The following CNTN5 variants were observed in gnomAD, a reference collection of about 807,000 sequenced individuals.
CNTN5 encodes contactin 5, also known as contactin-5.
A neutral mutation model predicts 129.1 loss-of-function variants in CNTN5; 77 were observed. The observed-to-expected ratio is 0.60, with a 90% CI of 0.50 to 0.72. The LOEUF (loss-of-function observed/expected upper bound fraction) is 0.72. Among genes scored for constraint, CNTN5 ranks in the 30% least tolerant of loss-of-function variants. The probability of loss-of-function intolerance (pLI) is 0.00; values close to 1 mark genes in which losing one functional copy is unlikely to be tolerated. For missense variants in CNTN5, 1,478 were observed against 1,328.8 expected (o/e 1.11, Z -1.75); for synonymous variants, 509 against 465.6 (o/e 1.09, Z -1.20).
chr11:100,315,709 C>G (rs1443929980), intron 21 of CNTN5, among the ~76,000 whole-genome samples: 1 of 152,048 alleles, frequency 6.6e-6, no homozygotes, highest in Non-Finnish European at 1.5e-5. Context: ...ATATGAAATT[C>G]CAAATGTAGA....
intron 1 of CNTN5, among the ~76,000 whole-genome samples, chr11:99,280,556 G>A (rs1412384069): frequency 6.6e-6 from 1 of 151,486 alleles, no homozygotes; most frequent in Non-Finnish European, 1.5e-5. Flanking sequence ...GTTTACCTGG[G>A]TTCTAGGTTA....
intron 18 of CNTN5, among the ~76,000 whole-genome samples, chr11:100,295,189 T>C (rs1331609937): frequency 2.0e-5 from 3 of 151,656 alleles, no homozygotes; most frequent in Admixed American, 6.6e-5. Flanking sequence ...AGAAGGATGA[T>C]CTTATTTCTT....
chr11:99,873,872 A>G (rs771611389), intron 6 of CNTN5, among the ~76,000 whole-genome samples: 1 of 152,128 alleles, frequency 6.6e-6, no homozygotes, highest in African/African-American at 2.4e-5. Context: ...ATGGAACACA[A>G]TGCAGCCATA....
intron 7 of CNTN5, among the ~76,000 whole-genome samples, chr11:99,952,094 C>T (rs1174656937): frequency 6.6e-6 from 1 of 152,138 alleles, no homozygotes; most frequent in Non-Finnish European, 1.5e-5. Context: ...AGGTACACAT[C>T]AGCATTGTAA....
intron 18 of CNTN5, among the ~76,000 whole-genome samples, chr11:100,286,039 T>C (rs1223338264): frequency 2.6e-5 from 4 of 152,182 alleles, no homozygotes; most frequent in Admixed American, 2.6e-4. Flanking sequence ...AATACTGCGC[T>C]TTTCCGATAG....
intron 2 of CNTN5, among the ~76,000 whole-genome samples, chr11:99,339,219 T>C (rs1260601160): frequency 1.3e-5 from 2 of 152,042 alleles, no homozygotes; most frequent in African/African-American, 2.4e-5. Context: ...TTTATCCTTT[T>C]GAAATTCACT....
chr11:99,322,708 TC>T (rs1411447164), intron 1 of CNTN5, among the ~76,000 whole-genome samples: 1 of 152,130 alleles, frequency 6.6e-6, no homozygotes, highest in African/African-American at 2.4e-5. Flanking sequence ...AATTTTTGTA[TC>T]CCAGCCTAAT....
chr11:99,835,604 G>C (rs918495528), intron 4 of CNTN5, among the ~76,000 whole-genome samples: 2 of 152,148 alleles, frequency 1.3e-5, no homozygotes, highest in African/African-American at 4.8e-5. Flanking sequence ...AAATGTGTAC[G>C]TAATAGCACT....
chr11:99,684,223 A>C (rs1171681361), intron 3 of CNTN5, among the ~76,000 whole-genome samples: 1 of 151,836 alleles, frequency 6.6e-6, no homozygotes, highest in African/African-American at 2.4e-5. Context: ...AATGCTTTAT[A>C]GTTTTCTATC....
intron 3 of CNTN5, among the ~76,000 whole-genome samples, chr11:99,583,935 C>G (rs905167531): frequency 4.6e-5 from 7 of 152,150 alleles, no homozygotes; most frequent in Admixed American, 2.0e-4. Flanking sequence ...GAGCTGTAGA[C>G]TGGAGCTGTT....
intron 6 of CNTN5, among the ~76,000 whole-genome samples, chr11:99,850,126 C>T (rs1591308191): frequency 6.6e-6 from 1 of 152,078 alleles, no homozygotes. Flanking sequence ...AGAAGTTTAA[C>T]AGTTTAGGAG....
At chr11:99,760,420 T>C (rs1944539921) in intron 3 of CNTN5, among the ~76,000 whole-genome samples, 1 of 152,110 alleles carries the variant, frequency 6.6e-6, no homozygotes. Context: ...ATATATGTTC[T>C]AAAACTGGAC....
At chr11:99,810,096 TAAC>T (rs1425487130) in intron 3 of CNTN5, among the ~76,000 whole-genome samples, 3 of 151,960 alleles carry the variant, frequency 2.0e-5, no homozygotes, top group Non-Finnish European at 4.4e-5. Context: ...TTTAAAAACT[TAAC>T]AGCCATGAAA....
chr11:99,735,625 A>G (rs1943680427), intron 3 of CNTN5, among the ~76,000 whole-genome samples: 1 of 152,242 alleles, frequency 6.6e-6, no homozygotes, highest in African/African-American at 2.4e-5. Flanking sequence ...ATAAACGGGA[A>G]GCCTACTGAA....
chr11:99,987,245 A>C (rs576306533), intron 8 of CNTN5, among the ~76,000 whole-genome samples: 1 of 152,110 alleles, frequency 6.6e-6, no homozygotes, highest in South Asian at 2.1e-4. Context: ...CAAAGGGAAC[A>C]AAATGATGTG....
chr11:99,120,655 G>C (rs559882040), intron 1 of CNTN5, among the ~76,000 whole-genome samples: 2 of 152,220 alleles, frequency 1.3e-5, no homozygotes, highest in South Asian at 2.1e-4. Context: ...CGTTATCTCT[G>C]ATAGATTTCC....
At chr11:99,927,723 T>C (rs1032878398) in intron 7 of CNTN5, among the ~76,000 whole-genome samples, 1 of 152,164 alleles carries the variant, frequency 6.6e-6, no homozygotes, top group African/African-American at 2.4e-5. Flanking sequence ...GTGAGGATTA[T>C]GGGAGCTTCA....
At chr11:99,398,466 T>G (rs1268441476) in intron 2 of CNTN5, among the ~76,000 whole-genome samples, 1 of 151,972 alleles carries the variant, frequency 6.6e-6, no homozygotes, top group Admixed American at 6.6e-5. Flanking sequence ...CATTACTGTA[T>G]CATACAGGAC....
intron 1 of CNTN5, among the ~76,000 whole-genome samples, chr11:99,161,938 C>G (rs963912064): frequency 6.6e-6 from 1 of 152,138 alleles, no homozygotes; most frequent in Non-Finnish European, 1.5e-5. Flanking sequence ...ATGTCAAGCA[C>G]CATTGTTTCT....
Sources: gnomAD v4.1 joint callset for allele counts (sites outside exome capture counted in the v4.1 genomes callset) on GRCh38, gnomAD v4.1.1 for gene constraint, MANE v1.5 for transcripts, NCBI Gene and HGNC (gene_info 2026-07-23, HGNC 2026-07-21) for gene names.